SFMBT2: variants seen among roughly 807,000 people sequenced by gnomAD.
The protein encoded by SFMBT2 is Scm like with four mbt domains 2, also known as scm-like with four MBT domains protein 2.
Under a neutral mutation model 110.1 loss-of-function variants are expected in SFMBT2, and 38 were observed. The observed-to-expected ratio is 0.35, with a 90% confidence interval of 0.27 to 0.45. The LOEUF (loss-of-function observed/expected upper bound fraction) is 0.45. Among genes scored for constraint, SFMBT2 ranks in the 20% least tolerant of loss-of-function variants. The pLI is 1.00. For missense variants in SFMBT2, 1,011 were observed against 1,094.9 expected (o/e 0.92, Z 1.08); for synonymous variants, 425 against 425.4 (o/e 1.00, Z 0.01).
At chr10:7,273,567 G>A (rs913182469) in intron 7 of SFMBT2, among the ~76,000 whole-genome samples, 9 of 152,226 alleles carry the variant, frequency 5.9e-5, no homozygotes, top group Middle Eastern at 3.4e-3. Context: ...TTGGTGTACC[G>A]CACCCATTAA....
intron 7 of SFMBT2, among the ~76,000 whole-genome samples, chr10:7,260,964 A>C (rs1303594732): frequency 3.9e-5 from 6 of 152,150 alleles, no homozygotes; most frequent in Non-Finnish European, 5.9e-5. Context: ...AACATTAAAA[A>C]AAAAAAAGTG....
intron 4 of SFMBT2, among the ~76,000 whole-genome samples, chr10:7,365,253 G>A (rs568933272): frequency 1.6e-4 from 25 of 152,326 alleles, no homozygotes; most frequent in Admixed American, 9.1e-4. Flanking sequence ...ATCCAGGCTC[G>A]CATGTCCAGA....
intron 15 of SFMBT2, among the ~76,000 whole-genome samples, chr10:7,196,769 A>C (rs1838782084): frequency 6.6e-6 from 1 of 152,208 alleles, no homozygotes; most frequent in Non-Finnish European, 1.5e-5. Context: ...TCTTCAGAGA[A>C]AGTACGGATA....
At position 7,162,313 on chromosome 10, in the gene SFMBT2, A is replaced by C. The variant is rs1487456602; in HGVS notation, c.*1457T>G. On this transcript the variant is annotated 3_prime_UTR_variant, in exon 21 of 21. Transcript: ENST00000397167. The stretch of plus-strand genomic sequence containing the variant: ...TACGATCTGGATCTTCCTTTCCAGC[A>C]TGAGTGGGGTGAATGCCAGCAGGAG... 6.6e-6 allele frequency: 1 copy of C among 151,810 alleles called. No individual in the cohort carries two copies. The highest frequency in any genetic ancestry group is 1.9e-4 in the East Asian group (1 of 5,190). The allele number at this position is 151,810 out of a possible 1,614,324, so 9.4% of individuals were successfully genotyped here.
intron 2 of SFMBT2, among the ~76,000 whole-genome samples, chr10:7,378,268 G>A: frequency 1.8e-4 from 3 of 16,868 alleles, no homozygotes; most frequent in African/African-American, 5.8e-4. Flanking sequence ...GATGGGTGAT[G>A]GATGGGTGTG....
At chr10:7,182,291 G>C (rs1453418200) in intron 16 of SFMBT2, among the ~76,000 whole-genome samples, 1 of 152,338 alleles carries the variant, frequency 6.6e-6, no homozygotes, top group East Asian at 1.9e-4. Flanking sequence ...TCCCGCCTCA[G>C]CCTCCCAGAG....
rs1455234348 is a variant in SFMBT2 at position 7,184,952 on chromosome 10, TC to T, written c.1808+3671del. Among the ~76,000 whole-genome samples, 4 of 152,328 alleles carry T rather than the reference TC, an allele frequency of 2.6e-5. No individual in the cohort carries two copies. In the East Asian group the frequency reaches 5.8e-4, roughly 22 times the overall value. ...TCTCGCTTCCTTCAGAACAAAGCTT[TC>T]ACTTCATTGGTCTCATTCTTGGTCA... On this transcript the variant is annotated intron_variant, in intron 16 of 20. Transcript: ENST00000397167.
intron 7 of SFMBT2, among the ~76,000 whole-genome samples, chr10:7,273,606 A>G (rs1841675352): frequency 6.6e-6 from 1 of 152,122 alleles, no homozygotes; most frequent in African/African-American, 2.4e-5. Context: ...TGTATCTCCT[A>G]ATGCTATCCC....
intron 9 of SFMBT2, among the ~76,000 whole-genome samples, chr10:7,230,017 CTA>C (rs57822891): frequency 0.6 from 88,805 of 148,416 alleles, 26,529 homozygotes; most frequent in East Asian, 0.86. Context: ...CCGCCCAGCC[CTA>C]TATATATATA....
intron 7 of SFMBT2, among the ~76,000 whole-genome samples, chr10:7,264,862 G>C (rs1841330605): frequency 6.8e-6 from 1 of 147,374 alleles, no homozygotes; most frequent in Non-Finnish European, 1.5e-5. Context: ...TATTTGTTTA[G>C]TTAGAAAACA....
At chr10:7,288,752 C>G (rs1842175224) in intron 4 of SFMBT2, among the ~76,000 whole-genome samples, 1 of 152,022 alleles carries the variant, frequency 6.6e-6, no homozygotes, top group South Asian at 2.1e-4. Context: ...AAACAGCGGC[C>G]AGGTGCGGTG....
intron 7 of SFMBT2, among the ~76,000 whole-genome samples, chr10:7,275,570 A>G (rs1841747285): frequency 1.3e-5 from 2 of 152,152 alleles, no homozygotes; most frequent in Admixed American, 6.5e-5. Flanking sequence ...AACATTGGCC[A>G]CCACAACTGT....
chr10:7,339,306 G>A (rs75819284), intron 4 of SFMBT2, among the ~76,000 whole-genome samples: 1,693 of 152,178 alleles, frequency 0.011, 13 homozygotes, highest in Middle Eastern at 0.024. Context: ...AATAAGTTTC[G>A]ATAAAACTGA....
chr10:7,294,282 C>T (rs186622745), intron 4 of SFMBT2, among the ~76,000 whole-genome samples: 4 of 152,288 alleles, frequency 2.6e-5, no homozygotes, highest in South Asian at 2.1e-4. Flanking sequence ...AAGGATGAGA[C>T]GTAAACCCTT....
At chr10:7,213,922 TG>T (rs1202528828) in intron 11 of SFMBT2, among the ~76,000 whole-genome samples, 3 of 152,008 alleles carry the variant, frequency 2.0e-5, no homozygotes, top group Non-Finnish European at 4.4e-5. Context: ...AGAGCAGGAC[TG>T]GGGGATTCTA....
At chr10:7,369,360 A>G (rs971949927) in intron 3 of SFMBT2, among the ~76,000 whole-genome samples, 3 of 152,228 alleles carry the variant, frequency 2.0e-5, no homozygotes, top group African/African-American at 7.2e-5. Context: ...CAAAAATTAA[A>G]GACTAAATTT....
intron 11 of SFMBT2, among the ~76,000 whole-genome samples, chr10:7,208,786 C>A (rs1462845155): frequency 1.3e-5 from 2 of 152,132 alleles, no homozygotes; most frequent in African/African-American, 4.8e-5. Context: ...AACATCACAT[C>A]GTATTATGGC....
In SFMBT2 at chr10:7,277,007, C is replaced by A. The variant is rs956314458; in HGVS notation, c.773-18G>T. 5 of 861,652 alleles carry A rather than the reference C, an allele frequency of 5.8e-6. No individual in the cohort carries two copies. The African/African-American group carries it at 8.2e-5, about 14-fold the overall frequency. 53.4% of individuals were successfully genotyped at this position (861,652 alleles called of 1,614,324 possible). ...ATAGATTTCTGTATCAACAGCAAAT[C>A]ACAGAAGAGTTGAAGGACTAACACG... On this transcript the variant is annotated intron_variant, in intron 6 of 20. Coordinates refer to ENST00000397167, the MANE Select transcript of SFMBT2 (RefSeq NM_001387889.1).
At chr10:7,387,777 GAA>G (rs34684925) in intron 1 of SFMBT2, among the ~76,000 whole-genome samples, 7,543 of 123,256 alleles carry the variant, frequency 0.061, 203 homozygotes, top group Middle Eastern at 0.099. Flanking sequence ...TTAAAAATAG[GAA>G]AAAAAAAAAA....
Sources: gnomAD v4.1 joint callset for allele counts (sites outside exome capture counted in the v4.1 genomes callset) on GRCh38, gnomAD v4.1.1 for gene constraint, MANE v1.5 for transcripts, NCBI Gene and HGNC (gene_info 2026-07-23, HGNC 2026-07-21) for gene names.